Variants in HS3ST4 observed in about 807,000 individuals in gnomAD.
HS3ST4 encodes heparan sulfate glucosamine 3-O-sulfotransferase 4.
A neutral mutation model predicts 29.2 loss-of-function variants in HS3ST4; 17 were observed. That is an observed-to-expected ratio of 0.58 (90% CI 0.40 to 0.87). The LOEUF (loss-of-function observed/expected upper bound fraction) is 0.87. Among genes scored for constraint, HS3ST4 ranks in the 40% least tolerant of loss-of-function variants. HS3ST4 has a pLI of 0.00. For synonymous variants in HS3ST4, 314 were observed against 285.7 expected (o/e 1.10, Z -1.00); for missense variants, 627 against 634.5 (o/e 0.99, Z 0.13).
intron 1 of HS3ST4, among the ~76,000 whole-genome samples, chr16:25,896,740 C>G (rs1364272326): frequency 6.6e-6 from 1 of 152,096 alleles, no homozygotes; most frequent in African/African-American, 2.4e-5. Context: ...ATGGAATTAA[C>G]CAAGCTGTGG....
intron 1 of HS3ST4, among the ~76,000 whole-genome samples, chr16:26,119,267 A>T (rs1402569343): frequency 6.6e-6 from 1 of 152,214 alleles, no homozygotes; most frequent in Non-Finnish European, 1.5e-5. Context: ...AATGGCATTT[A>T]GAGGAACAAG....
intron 1 of HS3ST4, among the ~76,000 whole-genome samples, chr16:25,851,262 T>G (rs1382857690): frequency 6.6e-6 from 1 of 152,190 alleles, no homozygotes; most frequent in Non-Finnish European, 1.5e-5. Context: ...GCTGTTTCAT[T>G]TTGTGTTTAT....
chr16:25,984,973 C>T (rs1450461513), intron 1 of HS3ST4, among the ~76,000 whole-genome samples: 2 of 152,186 alleles, frequency 1.3e-5, no homozygotes, highest in African/African-American at 2.4e-5. Context: ...AAACTCTGAG[C>T]CTCAGGCTTG....
intron 1 of HS3ST4, among the ~76,000 whole-genome samples, chr16:25,835,251 A>G (rs539938138): frequency 6.6e-6 from 1 of 152,298 alleles, no homozygotes; most frequent in African/African-American, 2.4e-5. Flanking sequence ...TGTTGTTTGA[A>G]CATCAAAACT....
intron 1 of HS3ST4, among the ~76,000 whole-genome samples, chr16:25,759,762 GA>G (rs930917865): frequency 6.6e-6 from 1 of 152,008 alleles, no homozygotes; most frequent in Admixed American, 6.6e-5. Flanking sequence ...CCATCTCTAT[GA>G]AAAAAATTTA....
At chr16:25,993,949 C>CGT (rs56226178) in intron 1 of HS3ST4, among the ~76,000 whole-genome samples, 2,712 of 121,242 alleles carry the variant, frequency 0.022, 48 homozygotes, top group Admixed American at 0.032. Context: ...CACATAACCT[C>CGT]GTGTGTGTGT....
rs1047387614 is a variant in HS3ST4, at chr16:25,893,243, C to G, written c.734+200092C>G. 2.6e-5 allele frequency among the ~76,000 whole-genome samples: 4 copies of G among 152,178 alleles called. No homozygotes were observed. The East Asian group carries it at 7.7e-4, about 29-fold the overall frequency. ...AAGTCATGTGAGAACTGCGAGAAGC[C>G]GATGAAGGATGGTGCTGGGATTATG... On this transcript the variant is annotated intron_variant, in intron 1 of 1. Transcript: ENST00000331351.
Position 25,692,919 on chromosome 16 carries a change from G to C in HS3ST4, c.502G>C (p.Asp168His), listed in dbSNP as rs749884499. 1.2e-6 allele frequency: 2 copies of C among 1,602,684 alleles called. No individual in the cohort carries two copies. The highest frequency in any genetic ancestry group is 2.2e-5 in the South Asian group (2 of 89,286). ...EREAQESSTTDEDLAGRRAAN... is the reference protein window; with the variant it reads ...EREAQESSTTHEDLAGRRAAN... ...GGAAGCGCAGGAGTCCAGCACCACC[G>C]ACGAGGATCTCGCAGGCCGGAGAGC... Residue 168 changes from aspartate to histidine, a missense_variant, in exon 1 of 2, where the codon GAC becomes CAC. Physicochemically the swap from Asp to His is moderately conservative, Grantham distance 81. Around this residue, in one of 2 missense-constraint regions of HS3ST4, gnomAD observed 402 missense variants for 340.8 expected, o/e 1.18. Coordinates refer to ENST00000331351, the MANE Select transcript of HS3ST4 (RefSeq NM_006040.3).
intron 1 of HS3ST4, among the ~76,000 whole-genome samples, chr16:25,884,327 A>G (rs1967926973): frequency 6.6e-6 from 1 of 152,166 alleles, no homozygotes; most frequent in African/African-American, 2.4e-5. Context: ...TCTTTCATGC[A>G]TGATTCAAGT....
intron 1 of HS3ST4, among the ~76,000 whole-genome samples, chr16:25,898,389 T>G (rs1968091378): frequency 6.6e-6 from 1 of 152,220 alleles, no homozygotes; most frequent in Non-Finnish European, 1.5e-5. Flanking sequence ...TTCCTCCCTT[T>G]CTGCAGAAAT....
chr16:26,125,363 T>C (rs1899327221), intron 1 of HS3ST4, among the ~76,000 whole-genome samples: 1 of 152,168 alleles, frequency 6.6e-6, no homozygotes, highest in Non-Finnish European at 1.5e-5. Context: ...ATAAGGAGCA[T>C]ACAACCTAGA....
intron 1 of HS3ST4, among the ~76,000 whole-genome samples, chr16:25,800,876 T>C (rs1966926309): frequency 6.6e-6 from 1 of 152,148 alleles, no homozygotes; most frequent in Admixed American, 6.6e-5. Flanking sequence ...AAGCAGAAAA[T>C]GAGCCCTCAC....
chr16:26,085,901 T>A (rs371944884), intron 1 of HS3ST4, among the ~76,000 whole-genome samples: 1 of 74,366 alleles, frequency 1.3e-5, no homozygotes, highest in African/African-American at 4.4e-5. Context: ...ATAATAATAA[T>A]AATAATAATA....
intron 1 of HS3ST4, among the ~76,000 whole-genome samples, chr16:25,936,796 T>A (rs1313301834): frequency 6.6e-6 from 1 of 152,108 alleles, no homozygotes; most frequent in African/African-American, 2.4e-5. Context: ...GCAGATGAGG[T>A]TTCTGCAGAA....
intron 1 of HS3ST4, among the ~76,000 whole-genome samples, chr16:25,695,813 T>A (rs1308224210): frequency 6.6e-6 from 1 of 152,232 alleles, no homozygotes; most frequent in Non-Finnish European, 1.5e-5. Context: ...ATTTTTCCAC[T>A]GTTTATTTAT....
At chr16:25,906,697 C>G (rs1467515344) in intron 1 of HS3ST4, among the ~76,000 whole-genome samples, 5 of 152,140 alleles carry the variant, frequency 3.3e-5, no homozygotes, top group Admixed American at 2.6e-4. Flanking sequence ...CACACTAGAA[C>G]TTAGTGTTGA....
At chr16:25,980,262 T>C (rs1055477073) in intron 1 of HS3ST4, among the ~76,000 whole-genome samples, 1 of 152,192 alleles carries the variant, frequency 6.6e-6, no homozygotes, top group African/African-American at 2.4e-5. Context: ...AGTTTCCTAA[T>C]CACAACGTGC....
chr16:25,950,728 A>G (rs1968675304), intron 1 of HS3ST4, among the ~76,000 whole-genome samples: 2 of 152,104 alleles, frequency 1.3e-5, no homozygotes, highest in African/African-American at 4.8e-5. Flanking sequence ...TCGACTTTGG[A>G]GTCCCACAGA....
At chr16:25,820,531 C>CTACA (rs1371463357) in intron 1 of HS3ST4, among the ~76,000 whole-genome samples, 2 of 152,092 alleles carry the variant, frequency 1.3e-5, no homozygotes, top group Admixed American at 1.3e-4. Flanking sequence ...GTAGCTAGGA[C>CTACA]TACAGGTGCA....
Sources: gnomAD v4.1 joint callset for allele counts (sites outside exome capture counted in the v4.1 genomes callset) on GRCh38, gnomAD v4.1.1 for gene constraint, gnomAD v4.1.1 regional missense constraint, MANE v1.5 for transcripts, NCBI Gene and HGNC (gene_info 2026-07-23, HGNC 2026-07-21) for gene names.